The following FHL2 variants were observed in gnomAD, a reference collection of about 807,000 sequenced individuals.
FHL2 encodes four and a half LIM domains protein 2.
A neutral mutation model predicts 32.7 loss-of-function variants in FHL2; 20 were observed. The observed-to-expected ratio is 0.61, with a 90% CI of 0.43 to 0.89. The LOEUF (loss-of-function observed/expected upper bound fraction) is 0.89. Ranked by LOEUF, FHL2 falls within the 40% of genes least tolerant of loss-of-function variation. FHL2 has a pLI of 0.00. For synonymous variants in FHL2, 123 were observed against 128.1 expected (o/e 0.96, Z 0.27); for missense variants, 311 against 358.6 (o/e 0.87, Z 1.07).
At chr2:105,367,534 C>T (rs1196324717) in intron 5 of FHL2, 36 bp downstream of exon 5, 2 of 1,569,186 alleles carry the variant, frequency 1.3e-6, no homozygotes, top group African/African-American at 2.7e-5. Flanking sequence ...GCAAACCAGC[C>T]AGAACGTGCA....
At chr2:105,411,538 G>GT (rs9308884) in intron 1 of FHL2, among the ~76,000 whole-genome samples, 1,061 of 81,166 alleles carry the variant, frequency 0.013, 20 homozygotes, top group African/African-American at 0.025. Flanking sequence ...TGAACTTAGG[G>GT]TTTTTTTTTT....
intron 2 of FHL2, among the ~76,000 whole-genome samples, chr2:105,390,555 A>G (rs1365347406): frequency 6.6e-6 from 1 of 152,162 alleles, no homozygotes; most frequent in East Asian, 1.9e-4. Flanking sequence ...AGCAGAGAGC[A>G]TTTCTACTCC....
rs727503060 is a variant in FHL2, at chr2:105,386,436, G to T, written c.81C>A (p.Tyr27Ter). ...KKYILREESP[Y>*]CVVCFETLFA... Reference sequence around the variant, plus strand: ...ACAGGGTCTCAAAGCACACCACGCAGTAGGGGCTCTCCTCCCGCAGGATGT... The same window carrying T: ...ACAGGGTCTCAAAGCACACCACGCATTAGGGGCTCTCCTCCCGCAGGATGT... Residue 27 changes from tyrosine to a stop codon, truncating the protein, a stop_gained, in exon 3 of 7, where the codon TAC becomes TAA. Transcript: ENST00000530340. LOFTEE classifies it high-confidence loss of function. 6.2e-7 allele frequency: 1 copy of T among 1,614,270 alleles called. No homozygotes were observed. The highest frequency in any genetic ancestry group is 1.7e-5 in the Admixed American group (1 of 60,032).
At chr2:105,411,844 C>T (rs1683802700) in intron 1 of FHL2, among the ~76,000 whole-genome samples, 1 of 151,832 alleles carries the variant, frequency 6.6e-6, no homozygotes, top group African/African-American at 2.4e-5. Context: ...GTTCACATGG[C>T]ATCCTTCTCC....
chr2:105,420,097 A>G (rs1248720903), intron 1 of FHL2, among the ~76,000 whole-genome samples: 1 of 152,194 alleles, frequency 6.6e-6, no homozygotes, highest in Non-Finnish European at 1.5e-5. Flanking sequence ...ATCACAAAGT[A>G]CCACACACTG....
chr2:105,402,308 A>T (rs7571590), upstream of FHL2, among the ~76,000 whole-genome samples: 6 of 151,684 alleles, frequency 4.0e-5, no homozygotes, highest in Non-Finnish European at 7.4e-5. Flanking sequence ...GTACAGTGGC[A>T]CTGTCTTGGC....
At chr2:105,437,089 C>T (rs976579660) in intron 1 of FHL2, among the ~76,000 whole-genome samples, 10 of 152,120 alleles carry the variant, frequency 6.6e-5, no homozygotes, top group Non-Finnish European at 8.8e-5. Context: ...CCTAAAAGTA[C>T]GAAACCTGCT....
chr2:105,388,238 C>T (rs146891949), intron 2 of FHL2, among the ~76,000 whole-genome samples: 2,703 of 152,218 alleles, frequency 0.018, 75 homozygotes, highest in African/African-American at 0.063. Context: ...AACAAACCTG[C>T]ACATGTACCC....
chr2:105,402,403 T>C (rs7574639), upstream of FHL2, among the ~76,000 whole-genome samples: 109,097 of 151,776 alleles, frequency 0.72, 39,472 homozygotes, highest in African/African-American at 0.8. Flanking sequence ...TGTGCCACCA[T>C]ACCCGGCTAA....
chr2:105,416,218 G>GA (rs1392837991), intron 1 of FHL2, among the ~76,000 whole-genome samples: 2 of 152,166 alleles, frequency 1.3e-5, no homozygotes, highest in Admixed American at 6.5e-5. Flanking sequence ...ATGTTTTCAT[G>GA]AAAAATAATT....
upstream of FHL2, among the ~76,000 whole-genome samples, chr2:105,400,472 G>T (rs1265740042): frequency 6.6e-6 from 1 of 151,954 alleles, no homozygotes; most frequent in Middle Eastern, 3.2e-3. Context: ...AGACAGGCTA[G>T]TATTTTGAAA....
chr2:105,411,398 T>C (rs537595085), intron 1 of FHL2, among the ~76,000 whole-genome samples: 81 of 151,036 alleles, frequency 5.4e-4, no homozygotes, highest in Non-Finnish European at 1.0e-3. Flanking sequence ...TAATGTACAA[T>C]TTTTTTTTCT....
intron 2 of FHL2, among the ~76,000 whole-genome samples, chr2:105,386,756 C>CTTTTTTTTTT (rs11380471): frequency 2.0e-5 from 1 of 48,924 alleles, no homozygotes; most frequent in Non-Finnish European, 3.6e-5. Context: ...ATGCATTCCA[C>CTTTTTTTTTT]TTTTTTTTTT....
rs1413767909 is a variant in FHL2, at chr2:105,362,887, T to C, written c.688+398A>G. Among the ~76,000 whole-genome samples the C allele has an allele frequency of 2.0e-5, 3 of 152,232 alleles. No individual in the cohort carries two copies. The East Asian group carries it at 5.8e-4, about 29-fold the overall frequency. ...TTGTGGTAGAAGTTTCCCATTAAGA[T>C]GTTTTGGAGTACAACCGTCCCACTA... On this transcript the variant is annotated intron_variant, in intron 6 of 6. Transcript: ENST00000530340.
At chr2:105,381,134 G>A (rs1041005256) in intron 3 of FHL2, among the ~76,000 whole-genome samples, 1 of 152,108 alleles carries the variant, frequency 6.6e-6, no homozygotes, top group East Asian at 1.9e-4. Context: ...TTCCACCAGG[G>A]CTGGCACCAA....
At chr2:105,424,963 G>T (rs548212010) in intron 1 of FHL2, among the ~76,000 whole-genome samples, 11 of 151,992 alleles carry the variant, frequency 7.2e-5, no homozygotes, top group African/African-American at 2.7e-4. Context: ...TGGCACATGT[G>T]TACCTATGTA....
intron 3 of FHL2, among the ~76,000 whole-genome samples, chr2:105,384,513 T>C (rs551222700): frequency 7.9e-5 from 12 of 152,100 alleles, no homozygotes; most frequent in South Asian, 4.2e-4. Flanking sequence ...CCAGTTTTTT[T>C]TGGGTCTTTT....
chr2:105,410,567 T>C (rs887338114), intron 1 of FHL2, among the ~76,000 whole-genome samples: 1 of 152,210 alleles, frequency 6.6e-6, no homozygotes, highest in African/African-American at 2.4e-5. Context: ...TTTTGAAGTC[T>C]AAAGTTTTGA....
At chr2:105,412,886 C>A (rs1405294900) in intron 1 of FHL2, among the ~76,000 whole-genome samples, 1 of 152,004 alleles carries the variant, frequency 6.6e-6, no homozygotes, top group Non-Finnish European at 1.5e-5. Context: ...GGGACAGAAG[C>A]ACATTGCAGT....
Sources: allele counts gnomAD v4.1 joint callset (sites outside exome capture counted in the v4.1 genomes callset), GRCh38; gene constraint gnomAD v4.1.1; transcripts MANE v1.5; gene names NCBI Gene and HGNC (gene_info 2026-07-23, HGNC 2026-07-21).